The following SUGCT variants were observed in gnomAD, a reference collection of about 807,000 sequenced individuals.
The protein encoded by SUGCT is succinyl-CoA:glutarate-CoA transferase.
Under a neutral mutation model 55.0 loss-of-function variants are expected in SUGCT, and 41 were observed. That is an observed-to-expected ratio of 0.74 (90% CI 0.58 to 0.97). The LOEUF (loss-of-function observed/expected upper bound fraction) is 0.97. Among genes scored for constraint, SUGCT ranks in the 50% least tolerant of loss-of-function variants. The pLI is 0.00. For missense variants in SUGCT, 568 were observed against 547.8 expected, an observed-to-expected ratio of 1.04 and a Z score of -0.37; for synonymous variants, 187 against 200.4, an observed-to-expected ratio of 0.93 and a Z score of 0.56.
At chr7:40,939,451 G>C in the SUGCT span, among the ~76,000 whole-genome samples, 1 of 152,118 alleles carries the variant, frequency 6.6e-6, no homozygotes, top group Non-Finnish European at 1.5e-5. Context: ...CCTACTTTTA[G>C]TTCTTTGAGA....
the SUGCT span, among the ~76,000 whole-genome samples, chr7:41,008,399 G>C: frequency 2.0e-5 from 3 of 152,108 alleles, no homozygotes; most frequent in Non-Finnish European, 4.4e-5. Flanking sequence ...CTCACATCCG[G>C]GTTTCTTTTA....
At chr7:40,510,629 A>T (rs1241536519) in intron 12 of SUGCT, among the ~76,000 whole-genome samples, 1 of 152,210 alleles carries the variant, frequency 6.6e-6, no homozygotes, top group African/African-American at 2.4e-5. Context: ...TAGGAACATG[A>T]CAGAAGTACA....
At chr7:40,136,770 G>C (rs1787717417) in intron 1 of SUGCT, among the ~76,000 whole-genome samples, 2 of 152,124 alleles carry the variant, frequency 1.3e-5, no homozygotes, top group African/African-American at 4.8e-5. Flanking sequence ...TAGGTGGGAC[G>C]ATTGCTTGAG....
intron 12 of SUGCT, among the ~76,000 whole-genome samples, chr7:40,698,836 G>A (rs568052284): frequency 6.2e-4 from 94 of 152,282 alleles, no homozygotes; most frequent in Admixed American, 1.2e-3. Context: ...AGGCTCAAGG[G>A]CCAGTGGGTT....
At chr7:40,682,607 C>T (rs1255141113) in intron 12 of SUGCT, among the ~76,000 whole-genome samples, 5 of 152,170 alleles carry the variant, frequency 3.3e-5, no homozygotes, top group Non-Finnish European at 1.5e-5. Context: ...GAGAAATCCT[C>T]ACACATCTGG....
intron 8 of SUGCT, among the ~76,000 whole-genome samples, chr7:40,275,009 C>T (rs987253981): frequency 6.6e-6 from 1 of 152,156 alleles, no homozygotes; most frequent in Non-Finnish European, 1.5e-5. Flanking sequence ...CCATGTCGGT[C>T]AGGCTGGTCT....
chr7:40,867,818 T>G, the SUGCT span, among the ~76,000 whole-genome samples: 11 of 152,216 alleles, frequency 7.2e-5, no homozygotes, highest in Admixed American at 1.3e-4. Context: ...TAGTCCCCTG[T>G]GCTTATCTGA....
chr7:40,591,905 A>G (rs1338353072), intron 12 of SUGCT, among the ~76,000 whole-genome samples: 1 of 152,220 alleles, frequency 6.6e-6, no homozygotes, highest in East Asian at 1.9e-4. Flanking sequence ...TGCACTGGAA[A>G]CCACAAAATT....
the SUGCT span, among the ~76,000 whole-genome samples, chr7:41,029,868 T>C: frequency 6.6e-6 from 1 of 152,144 alleles, no homozygotes; most frequent in African/African-American, 2.4e-5. Flanking sequence ...TCATAAGTAA[T>C]AGTTTAACTG....
the SUGCT span, among the ~76,000 whole-genome samples, chr7:41,007,586 A>G: frequency 6.6e-6 from 1 of 152,206 alleles, no homozygotes; most frequent in South Asian, 2.1e-4. Context: ...CACCAATGCC[A>G]GATAGATTCC....
intron 8 of SUGCT, among the ~76,000 whole-genome samples, chr7:40,291,666 TA>T (rs145941021): frequency 0.29 from 43,834 of 150,336 alleles, 6,749 homozygotes; most frequent in East Asian, 0.46. Flanking sequence ...AATAATAAAA[TA>T]AAAAAATATA....
the SUGCT span, among the ~76,000 whole-genome samples, chr7:40,929,415 T>C: frequency 6.6e-6 from 1 of 152,206 alleles, no homozygotes; most frequent in Non-Finnish European, 1.5e-5. Flanking sequence ...GAAGCATGAT[T>C]TATAACCCTT....
chr7:40,846,043 C>T (rs1793538602), intron 13 of SUGCT, among the ~76,000 whole-genome samples: 1 of 152,176 alleles, frequency 6.6e-6, no homozygotes, highest in African/African-American at 2.4e-5. Context: ...CGTGATCTGG[C>T]TTCTCTGACT....
intron 12 of SUGCT, among the ~76,000 whole-genome samples, chr7:40,553,554 C>T (rs1297098949): frequency 6.6e-6 from 1 of 152,158 alleles, no homozygotes; most frequent in Non-Finnish European, 1.5e-5. Flanking sequence ...TGATTTCTTT[C>T]TAAATATAGA....
chr7:40,158,675 G>C (rs937260847), intron 1 of SUGCT, among the ~76,000 whole-genome samples: 1 of 151,494 alleles, frequency 6.6e-6, no homozygotes, highest in African/African-American at 2.4e-5. Context: ...GCTTGAACCC[G>C]GGGGGCAGAG....
At chr7:40,244,018 C>A (rs566056330) in intron 7 of SUGCT, among the ~76,000 whole-genome samples, 1 of 151,966 alleles carries the variant, frequency 6.6e-6, no homozygotes, top group Admixed American at 6.6e-5. Flanking sequence ...ACTAAAAATA[C>A]AAAAGTTAGC....
At chr7:41,032,382 C>T in the SUGCT span, among the ~76,000 whole-genome samples, 1 of 151,004 alleles carries the variant, frequency 6.6e-6, no homozygotes, top group Non-Finnish European at 1.5e-5. Context: ...TCAGACAATT[C>T]TCACCAGTGA....
At chr7:41,032,316 T>C in the SUGCT span, among the ~76,000 whole-genome samples, 124 of 152,038 alleles carry the variant, frequency 8.2e-4, 1 homozygote, top group East Asian at 0.018. Context: ...ATTTTAAAAA[T>C]AAAAGCTACA....
intron 12 of SUGCT, among the ~76,000 whole-genome samples, chr7:40,698,772 A>G (rs1443156063): frequency 1.3e-5 from 2 of 152,108 alleles, no homozygotes; most frequent in African/African-American, 4.8e-5. Flanking sequence ...CATACTTTTC[A>G]ACTCATAGAT....
Sources: gnomAD v4.1 joint callset for allele counts (sites outside exome capture counted in the v4.1 genomes callset) on GRCh38, gnomAD v4.1.1 for gene constraint, MANE v1.5 for transcripts, NCBI Gene and HGNC (gene_info 2026-07-23, HGNC 2026-07-21) for gene names.